Variants in DMD observed in about 807,000 individuals in gnomAD.
The protein encoded by DMD is mutant dystrophin.
Under a neutral mutation model 330.1 loss-of-function variants are expected in DMD, and 63 were observed. The observed-to-expected ratio is 0.19, with a 90% confidence interval of 0.16 to 0.24. The LOEUF is 0.24. Among genes scored for constraint, DMD ranks in the 10% least tolerant of loss-of-function variants. The pLI is 1.00. For missense variants in DMD, 3,344 were observed against 2,684.1 expected, an observed-to-expected ratio of 1.25 and a Z score of -5.43; for synonymous variants, 1,223 against 959.8, an observed-to-expected ratio of 1.27 and a Z score of -5.07.
At chrX:31,246,863 T>C (rs1055599320) in intron 63 of DMD, among the ~76,000 whole-genome samples, 3 of 108,814 alleles carry the variant, frequency 2.8e-5, no homozygotes, top group Admixed American at 9.8e-5. Context: ...GAGGTGGAGG[T>C]TGCAGTGAGC....
At chrX:32,483,144 TCC>T (rs2042062630) in intron 21 of DMD, among the ~76,000 whole-genome samples, 1 of 73,958 alleles carries the variant, frequency 1.4e-5, no homozygotes, top group African/African-American at 5.0e-5. Context: ...CATTTTTCAT[TCC>T]ATATATATAT....
chrX:32,749,921 C>A (rs1275368761), intron 7 of DMD, among the ~76,000 whole-genome samples: 14 of 112,412 alleles, frequency 1.2e-4, no homozygotes, highest in South Asian at 3.7e-4. Context: ...GTTATATGAA[C>A]CAATGAATCA....
chrX:32,329,713 A>G (rs1306419974), intron 41 of DMD, among the ~76,000 whole-genome samples: 1 of 112,365 alleles, frequency 8.9e-6, no homozygotes, highest in Non-Finnish European at 1.9e-5. Flanking sequence ...TTGTTAGGTA[A>G]TTCATTTATT....
chrX:33,238,713 C>T (rs776774083), intron 1 of DMD, among the ~76,000 whole-genome samples: 1 of 111,388 alleles, frequency 9.0e-6, no homozygotes, highest in Admixed American at 9.5e-5. Context: ...AAGCTATAAC[C>T]GAGATTTTAA....
chrX:33,253,629 T>A (rs113530251), intron 1 of DMD, among the ~76,000 whole-genome samples: 8,864 of 111,046 alleles, frequency 0.08, 872 homozygotes, highest in African/African-American at 0.28. Context: ...ATAGAGCAAG[T>A]ATGCTTGGCA....
At chrX:31,556,393 A>T (rs770438028) in intron 55 of DMD, among the ~76,000 whole-genome samples, 14 of 108,620 alleles carry the variant, frequency 1.3e-4, no homozygotes, top group South Asian at 4.0e-4. Context: ...AAAAAAAAAT[A>T]ATAGTAACTT....
chrX:32,376,713 A>G (rs111277907), intron 34 of DMD, among the ~76,000 whole-genome samples: 2,205 of 102,425 alleles, frequency 0.022, 55 homozygotes, highest in African/African-American at 0.076. Context: ...AGAGAATCCA[A>G]TTTTTTTTTT....
In DMD at chrX:31,168,682, C is replaced by T. The variant is rs73617052; in HGVS notation, c.10553+761G>A. Among the ~76,000 whole-genome samples, 798 of 111,810 alleles carry T rather than the reference C, an allele frequency of 7.1e-3. 5 individuals carry two copies. Among genetic ancestry groups the T allele is most frequent in the African/African-American group, 0.025 (763 of 30,783 alleles). The stretch of plus-strand genomic sequence containing the variant: ...ACTTTAAATCCTTGCTTGGTGGCAT[C>T]TGTCTGAAGAAGGCACATTGTGAGT... On this transcript the variant is annotated intron_variant, in intron 74 of 78. Transcript: ENST00000357033.
At chrX:32,777,546 G>T (rs764781848) in intron 7 of DMD, among the ~76,000 whole-genome samples, 2 of 110,534 alleles carry the variant, frequency 1.8e-5, no homozygotes, top group South Asian at 7.7e-4. Flanking sequence ...TTCAGATGGG[G>T]TGATTAGAAT....
intron 43 of DMD, among the ~76,000 whole-genome samples, chrX:32,219,741 T>G (rs67635204): frequency 0.15 from 16,298 of 110,499 alleles, 1,295 homozygotes; most frequent in East Asian, 0.45. Flanking sequence ...TGCCAACACT[T>G]TTAGCTACTA....
At chrX:32,820,064 A>G (rs1443533583) in intron 5 of DMD, among the ~76,000 whole-genome samples, 4 of 111,669 alleles carry the variant, frequency 3.6e-5, no homozygotes, top group Non-Finnish European at 7.5e-5. Flanking sequence ...ACAACAGGCT[A>G]TAAGAGAGGT....
intron 43 of DMD, among the ~76,000 whole-genome samples, chrX:32,252,783 AATATATATAAAT>A (rs1335692792): frequency 1.4e-4 from 6 of 43,175 alleles, no homozygotes; most frequent in South Asian, 7.9e-4. Flanking sequence ...AATATATATA[AATATATATAAAT>A]ATATATATAA....
chrX:32,518,198 A>G, intron 17 of DMD, 67 bp from the exon 18 acceptor site: 1 of 1,004,615 alleles, frequency 1.0e-6, no homozygotes, highest in South Asian at 2.1e-5. Context: ...AAAAAAAGCA[A>G]TTTATCCACA....
chrX:32,373,418 T>C lies in DMD; in HGVS notation c.4845+7092A>G, dbSNP rs368926106. Among the ~76,000 whole-genome samples, 312 of 108,737 alleles carry C rather than the reference T, an allele frequency of 2.9e-3. 3 individuals are homozygous for C. Among genetic ancestry groups the C allele is most frequent in the Middle Eastern group, 5.0e-3 (1 of 202 alleles). The allele number at this position is 108,737 out of a possible 115,157, so 94.4% of individuals were successfully genotyped here. The stretch of plus-strand genomic sequence containing the variant: ...TGAATATGTTCTGTGAATGGCCACA[T>C]AGTAGTTGTTCTAGGCTTTGTGAGC... On this transcript the variant is annotated intron_variant, in intron 34 of 78. Transcript: ENST00000357033.
intron 48 of DMD, among the ~76,000 whole-genome samples, chrX:31,841,291 A>T (rs991931623): frequency 1.8e-5 from 2 of 111,610 alleles, no homozygotes; most frequent in Non-Finnish European, 3.8e-5. Flanking sequence ...GAGGTGAGGA[A>T]ATTGTAGAAG....
At chrX:31,642,909 C>A (rs1029903652) in intron 54 of DMD, among the ~76,000 whole-genome samples, 10 of 112,084 alleles carry the variant, frequency 8.9e-5, no homozygotes, top group Non-Finnish European at 1.7e-4. Context: ...AATCGTTCTT[C>A]CGATTTTGAT....
At chrX:32,366,720 C>T (rs1237681682) in intron 34 of DMD, among the ~76,000 whole-genome samples, 1 of 111,792 alleles carries the variant, frequency 8.9e-6, no homozygotes, top group Non-Finnish European at 1.9e-5. Flanking sequence ...AGGTCCTGGT[C>T]CACTCGAAAT....
intron 7 of DMD, among the ~76,000 whole-genome samples, chrX:32,715,653 A>T (rs1356043534): frequency 4.6e-5 from 5 of 107,815 alleles, no homozygotes; most frequent in Non-Finnish European, 9.6e-5. Flanking sequence ...TGCAAAAATT[A>T]GCTGGGTGTG....
chrX:32,877,606 C>T (rs982759342), intron 2 of DMD, among the ~76,000 whole-genome samples: 1 of 111,885 alleles, frequency 8.9e-6, no homozygotes, highest in Admixed American at 9.5e-5. Context: ...CTTCTGCGTG[C>T]CCACCTCCTT....
Sources: gnomAD v4.1 joint callset for allele counts (sites outside exome capture counted in the v4.1 genomes callset) on GRCh38, gnomAD v4.1.1 for gene constraint, MANE v1.5 for transcripts, NCBI Gene and HGNC (gene_info 2026-07-23, HGNC 2026-07-21) for gene names.